The following RAB27B variants were observed in gnomAD, a reference collection of about 807,000 sequenced individuals.
RAB27B encodes ras-related protein Rab-27B.
RAB27B carries 15 observed loss-of-function variants against 24.6 expected under a neutral mutation model. The observed-to-expected ratio is 0.61, with a 90% CI of 0.41 to 0.94. The LOEUF (loss-of-function observed/expected upper bound fraction) is 0.94, where lower values mean the gene tolerates loss of function less well. RAB27B is among the 40% of genes least tolerant of loss of function. RAB27B has a pLI of 0.00. For missense variants in RAB27B, 261 were observed against 266.8 expected (o/e 0.98, Z 0.15); for synonymous variants, 105 against 92.5 (o/e 1.14, Z -0.78).
intron 2 of RAB27B, among the ~76,000 whole-genome samples, chr18:54,751,386 T>C (rs1425310358): frequency 1.3e-5 from 2 of 152,040 alleles, no homozygotes; most frequent in African/African-American, 4.8e-5. Context: ...GGAGGTGAAA[T>C]AGACATGAAG....
upstream of RAB27B, among the ~76,000 whole-genome samples, chr18:54,826,593 A>G (rs917883767): frequency 6.6e-6 from 1 of 152,200 alleles, no homozygotes; most frequent in Non-Finnish European, 1.5e-5. Context: ...AAAGCAGGTG[A>G]CACACTTATC....
intron 1 of RAB27B, among the ~76,000 whole-genome samples, chr18:54,850,359 T>TATATATATATATATATAC (rs1491518141): frequency 2.7e-4 from 34 of 126,862 alleles, no homozygotes; most frequent in South Asian, 1.5e-3. Flanking sequence ...TATATATATA[T>TATATATATATATATATAC]ACATACATAC....
At chr18:54,869,173 A>G (rs1053830838) in intron 1 of RAB27B, among the ~76,000 whole-genome samples, 3 of 152,228 alleles carry the variant, frequency 2.0e-5, no homozygotes, top group Non-Finnish European at 2.9e-5. Context: ...TGTTGTTTTC[A>G]GATGGAATCC....
chr18:54,741,137 G>A (rs551670220), intron 2 of RAB27B, among the ~76,000 whole-genome samples: 39 of 152,248 alleles, frequency 2.6e-4, no homozygotes, highest in Admixed American at 2.5e-3. Context: ...ACAGTTAAAT[G>A]TTACTAAGAC....
intron 2 of RAB27B, among the ~76,000 whole-genome samples, chr18:54,723,174 C>G (rs1490023788): frequency 1.3e-5 from 2 of 152,160 alleles, no homozygotes; most frequent in African/African-American, 4.8e-5. Flanking sequence ...AAGGCTCTTG[C>G]TGGGGATAAA....
chr18:54,777,513 A>G (rs1383840686), intron 2 of RAB27B, among the ~76,000 whole-genome samples: 5 of 152,230 alleles, frequency 3.3e-5, no homozygotes, highest in Non-Finnish European at 7.3e-5. Flanking sequence ...TTAGAGTACA[A>G]ACTGGAAGGG....
At chr18:54,721,701 G>T (rs1909364092) in intron 2 of RAB27B, among the ~76,000 whole-genome samples, 1 of 152,108 alleles carries the variant, frequency 6.6e-6, no homozygotes, top group Non-Finnish European at 1.5e-5. Context: ...CTAAAATTAT[G>T]TTGTTATTAT....
At chr18:54,844,193 C>G (rs1327828577) in intron 1 of RAB27B, among the ~76,000 whole-genome samples, 4 of 152,118 alleles carry the variant, frequency 2.6e-5, no homozygotes, top group Non-Finnish European at 5.9e-5. Context: ...GCCAATCACC[C>G]TGACAAATGA....
At chr18:54,742,911 T>A (rs1259692675) in intron 2 of RAB27B, among the ~76,000 whole-genome samples, 1 of 152,200 alleles carries the variant, frequency 6.6e-6, no homozygotes, top group African/African-American at 2.4e-5. Flanking sequence ...ACTCACCCTG[T>A]GAGGTCAGCT....
chr18:54,794,050 A>G (rs3848515), intron 2 of RAB27B, among the ~76,000 whole-genome samples: 152,033 of 152,332 alleles, frequency 1, 75,868 homozygotes, highest in Middle Eastern at 1. Flanking sequence ...AGATTGTGGA[A>G]CCAACCTGAT....
chr18:54,888,323 G>C (rs1274041375), intron 5 of RAB27B, among the ~76,000 whole-genome samples: 2 of 152,120 alleles, frequency 1.3e-5, no homozygotes, highest in Non-Finnish European at 2.9e-5. Flanking sequence ...CCTATAATGT[G>C]CTAGCAACAG....
intron 1 of RAB27B, among the ~76,000 whole-genome samples, chr18:54,850,250 T>C (rs1490713361): frequency 6.7e-6 from 1 of 149,456 alleles, no homozygotes; most frequent in Non-Finnish European, 1.5e-5. Context: ...TGCATATATG[T>C]AATTTACAAA....
At chr18:54,863,939 T>C (rs569354607) in intron 1 of RAB27B, among the ~76,000 whole-genome samples, 1 of 152,350 alleles carries the variant, frequency 6.6e-6, no homozygotes, top group African/African-American at 2.4e-5. Context: ...TTGTTTATAA[T>C]TTGGGGCTAT....
chr18:54,762,335 G>A (rs1015860180), intron 2 of RAB27B, among the ~76,000 whole-genome samples: 11 of 152,126 alleles, frequency 7.2e-5, no homozygotes, highest in African/African-American at 2.7e-4. Flanking sequence ...GATTACAGAA[G>A]TGTGCCACCA....
At chr18:54,822,000 G>A (rs1187127369) in intron 2 of RAB27B, among the ~76,000 whole-genome samples, 5 of 152,124 alleles carry the variant, frequency 3.3e-5, no homozygotes, top group Non-Finnish European at 7.4e-5. Flanking sequence ...TGATCCACCC[G>A]CCTAGACCTC....
intron 1 of RAB27B, among the ~76,000 whole-genome samples, chr18:54,832,174 C>T (rs1245458818): frequency 6.6e-6 from 1 of 152,004 alleles, no homozygotes; most frequent in Non-Finnish European, 1.5e-5. Context: ...TTCCAGTAGA[C>T]CAACTACAAC....
chr18:54,749,126 T>C (rs1415575832), intron 2 of RAB27B, among the ~76,000 whole-genome samples: 2 of 152,188 alleles, frequency 1.3e-5, no homozygotes, highest in Non-Finnish European at 2.9e-5. Flanking sequence ...GGTGTGATCC[T>C]TCCTGGTTAT....
At chr18:54,763,640 T>C (rs1908266748) in intron 2 of RAB27B, among the ~76,000 whole-genome samples, 1 of 152,192 alleles carries the variant, frequency 6.6e-6, no homozygotes, top group African/African-American at 2.4e-5. Context: ...TGGATTCCTC[T>C]AGTTCTGTTC....
intron 1 of RAB27B, among the ~76,000 whole-genome samples, chr18:54,857,889 T>C (rs2145230756): frequency 6.6e-6 from 1 of 152,354 alleles, no homozygotes; most frequent in South Asian, 2.1e-4. Flanking sequence ...TAAGAAAATA[T>C]AAACCTATAT....
Sources: gnomAD v4.1 joint callset for allele counts (sites outside exome capture counted in the v4.1 genomes callset) on GRCh38, gnomAD v4.1.1 for gene constraint, MANE v1.5 for transcripts, NCBI Gene and HGNC (gene_info 2026-07-23, HGNC 2026-07-21) for gene names.